C8orf76: variants seen among roughly 807,000 people sequenced by gnomAD.
C8orf76 encodes chromosome 8 open reading frame 76.
C8orf76 carries 46 observed loss-of-function variants against 38.1 expected under a neutral mutation model. The observed-to-expected ratio is 1.21, with a 90% confidence interval of 0.95 to 1.54. The LOEUF (loss-of-function observed/expected upper bound fraction) is 1.54, where lower values mean the gene tolerates loss of function less well. Among genes scored for constraint, C8orf76 ranks in the 40% most tolerant of loss-of-function variants. The probability of loss-of-function intolerance (pLI) is 0.00; values close to 1 mark genes in which losing one functional copy is unlikely to be tolerated. For missense variants in C8orf76, 461 were observed against 441.6 expected (o/e 1.04, Z -0.39); for synonymous variants, 166 against 167.5 (o/e 0.99, Z 0.07).
chr8:123,221,499 G>T (rs1487792838), intron 5 of C8orf76, among the ~76,000 whole-genome samples: 3 of 152,098 alleles, frequency 2.0e-5, no homozygotes, highest in Non-Finnish European at 4.4e-5. Context: ...ACAGTGGTGC[G>T]ATCTTGGCTC....
At chr8:123,225,179 G>A (rs985807977) in intron 5 of C8orf76, among the ~76,000 whole-genome samples, 2 of 152,048 alleles carry the variant, frequency 1.3e-5, no homozygotes, top group Non-Finnish European at 2.9e-5. Flanking sequence ...CTAGTTTTTT[G>A]TATTTTTAGT....
intron 3 of C8orf76, among the ~76,000 whole-genome samples, chr8:123,233,549 C>A (rs2131152564): frequency 6.6e-6 from 1 of 151,804 alleles, no homozygotes; most frequent in African/African-American, 2.4e-5. Flanking sequence ...TGCCCACCAC[C>A]ACACCAAGAG....
intron 3 of C8orf76, among the ~76,000 whole-genome samples, chr8:123,232,413 T>A (rs1470016366): frequency 6.6e-6 from 1 of 152,220 alleles, no homozygotes; most frequent in Non-Finnish European, 1.5e-5. Flanking sequence ...AGCGCCAACA[T>A]CTCTTGCCTA....
chr8:123,221,594 C>A (rs746621510), intron 5 of C8orf76, among the ~76,000 whole-genome samples: 8 of 152,162 alleles, frequency 5.3e-5, no homozygotes, highest in Admixed American at 3.3e-4. Context: ...TGCCACCATG[C>A]CCAGCTAATT....
intron 1 of C8orf76, 81 bp downstream of exon 1, chr8:123,241,149 A>AGGGGCCGAGGCC (rs1825670865): frequency 2.9e-6 from 4 of 1,378,522 alleles, no homozygotes; most frequent in Non-Finnish European, 3.8e-6. Context: ...GCGCGGACGG[A>AGGGGCCGAGGCC]GGGGCCGAGG....
chr8:123,238,085 AG>A, intron 2 of C8orf76, 144 bp from the exon 3 acceptor site: 2 of 1,098,396 alleles, frequency 1.8e-6, no homozygotes, highest in Non-Finnish European at 2.5e-6. Context: ...AATGAATTAA[AG>A]AAGATTTCAC....
rs953465874 is a variant in C8orf76, at chr8:123,228,348, C to T, written c.816-1716G>A. 5.3e-5 allele frequency among the ~76,000 whole-genome samples: 8 copies of T among 152,248 alleles called. No homozygotes were observed. In the East Asian group the frequency reaches 1.4e-3, roughly 26 times the overall value. Reference sequence around the variant, plus strand: ...CTAAATCACAGGTTTTGGCCAGGCGCGGTGGCTCACGCCTGTAATCCCAGC... The same window carrying T: ...CTAAATCACAGGTTTTGGCCAGGCGTGGTGGCTCACGCCTGTAATCCCAGC... On this transcript the variant is annotated intron_variant, in intron 4 of 5. Transcript: ENST00000276704.
At chr8:123,228,955 G>C (rs1825141634) in intron 4 of C8orf76, among the ~76,000 whole-genome samples, 1 of 152,226 alleles carries the variant, frequency 6.6e-6, no homozygotes, top group Non-Finnish European at 1.5e-5. Flanking sequence ...CAGACCGCTT[G>C]CAAGAGTTCA....
chr8:123,231,870 G>A, intron 3 of C8orf76, 113 bp from the exon 4 acceptor site: 2 of 1,146,628 alleles, frequency 1.7e-6, no homozygotes, highest in Non-Finnish European at 2.4e-6. Context: ...GTATCTTTCA[G>A]TAGCTATACG....
Position 123,220,133 on chromosome 8 carries a change from C to A in C8orf76, c.1113G>T (p.Gln371His). The change falls in exon 6 of 6, where the codon CAG becomes CAT. Residue 371 changes from glutamine to histidine, a missense_variant. By Grantham distance (24) the Gln-to-His change is conservative (BLOSUM62 0). Coordinates refer to ENST00000276704, the MANE Select transcript of C8orf76 (RefSeq NM_032847.3). The stretch of plus-strand genomic sequence containing the variant: ...CCAAGATTTGTATCTCTGTATGGAA[C>A]TGATTTTCAAATGGACAGAAATGGT... ...IKDHFCPFEN[Q>H]FHTEIQILA 6.2e-7 allele frequency: 1 copy of A among 1,611,318 alleles called. No individual in the cohort carries two copies. Among genetic ancestry groups the A allele is most frequent in the Non-Finnish European group, 8.5e-7 (1 of 1,179,228 alleles).
At chr8:123,226,714 A>G (rs2131137060) in intron 4 of C8orf76, 82 bp from the exon 5 acceptor site, 1 of 1,499,378 alleles carries the variant, frequency 6.7e-7, no homozygotes, top group Non-Finnish European at 8.8e-7. Context: ...AATGTTCAGA[A>G]AGCCCAGGTA....
intron 3 of C8orf76, among the ~76,000 whole-genome samples, chr8:123,235,108 G>A (rs1027341938): frequency 1.3e-4 from 20 of 152,184 alleles, no homozygotes; most frequent in Non-Finnish European, 1.9e-4. Context: ...TTTGTTGAGT[G>A]CTGAGTGGAT....
At chr8:123,234,027 CAA>C (rs764035993) in intron 3 of C8orf76, among the ~76,000 whole-genome samples, 10 of 102,944 alleles carry the variant, frequency 9.7e-5, no homozygotes, top group Admixed American at 2.1e-4. Flanking sequence ...GACTTCATCT[CAA>C]AAAAAAAAAA....
At chr8:123,223,117 AAAATTGACTATCC>A (rs1167939005) in intron 5 of C8orf76, among the ~76,000 whole-genome samples, 1 of 152,226 alleles carries the variant, frequency 6.6e-6, no homozygotes, top group Middle Eastern at 3.2e-3. Context: ...AGTTTGTCCA[AAAATTGACTATCC>A]AGTCATTAAA....
chr8:123,225,789 G>C (rs1825024368), intron 5 of C8orf76, among the ~76,000 whole-genome samples: 1 of 152,122 alleles, frequency 6.6e-6, no homozygotes, highest in Non-Finnish European at 1.5e-5. Flanking sequence ...GCAGGGCGTG[G>C]TGGCACATGC....
At position 123,219,979 on chromosome 8, in the gene C8orf76, G is replaced by A; in HGVS notation, c.*124C>T. The A allele has an allele frequency of 1.7e-6, 1 of 571,832 alleles. No individual in the cohort carries two copies. Among genetic ancestry groups the A allele is most frequent in the South Asian group, 3.2e-5 (1 of 30,964 alleles). 35.4% of individuals were successfully genotyped at this position (571,832 alleles called of 1,614,324 possible). A position where few individuals can be genotyped will look rare whatever the true frequency, so the allele number is the denominator to read the frequency against. On this transcript the variant is annotated 3_prime_UTR_variant, in exon 6 of 6. Coordinates refer to ENST00000276704, the MANE Select transcript of C8orf76 (RefSeq NM_032847.3). ...AATGCAGTAGAAATCATTTGAGACA[G>A]AAGCCAGTTTTATAAAACATAAATA... is the stretch of plus-strand genomic sequence containing the variant.
At chr8:123,228,630 A>C (rs75771013) in intron 4 of C8orf76, among the ~76,000 whole-genome samples, 19 of 152,036 alleles carry the variant, frequency 1.2e-4, no homozygotes, top group Admixed American at 2.6e-4. Context: ...AAAAAAAAAA[A>C]CACCAAAACC....
chr8:123,227,223 A>C (rs1825078107), intron 4 of C8orf76, among the ~76,000 whole-genome samples: 1 of 148,002 alleles, frequency 6.8e-6, no homozygotes, highest in South Asian at 2.1e-4. Flanking sequence ...CTCCTCTCTC[A>C]TTTAACTTCC....
rs781288876 is a variant in C8orf76, at chr8:123,231,836, A to C, written c.358-79T>G. Reference sequence around the variant, plus strand: ...TAAAATGAGAATGCCTAAAAAACCAAGTTGTATATGTTATAAATTAGAAGT... The same window carrying C: ...TAAAATGAGAATGCCTAAAAAACCACGTTGTATATGTTATAAATTAGAAGT... On this transcript the variant is annotated intron_variant, in intron 3 of 5. Transcript: ENST00000276704. The C allele has an allele frequency of 1.6e-4, 222 of 1,412,890 alleles. 1 individual carries two copies. Among genetic ancestry groups the C allele is most frequent in the Non-Finnish European group, 2.0e-4 (215 of 1,058,532 alleles). The allele number at this position is 1,412,890 out of a possible 1,614,324, so 87.5% of individuals were successfully genotyped here. A position where few individuals can be genotyped will look rare whatever the true frequency, so the allele number is the denominator to read the frequency against.
Sources: allele counts gnomAD v4.1 joint callset (sites outside exome capture counted in the v4.1 genomes callset), GRCh38; gene constraint gnomAD v4.1.1; transcripts MANE v1.5; gene names NCBI Gene and HGNC (gene_info 2026-07-23, HGNC 2026-07-21).